The following PRKCE variants were observed in gnomAD, a reference collection of about 807,000 sequenced individuals.
The protein encoded by PRKCE is protein kinase C epsilon type.
PRKCE carries 16 observed loss-of-function variants against 85.4 expected under a neutral mutation model. The ratio of observed to expected loss-of-function variants is 0.19; its 90% confidence interval spans 0.13 to 0.28. The LOEUF (loss-of-function observed/expected upper bound fraction) is 0.28. Ranked by LOEUF, PRKCE falls within the 10% of genes least tolerant of loss-of-function variation. The pLI, the probability that PRKCE is intolerant of heterozygous loss-of-function variation, is 1.00. For missense variants in PRKCE, 573 were observed against 975.2 expected, an observed-to-expected ratio of 0.59 and a Z score of 5.49; for synonymous variants, 388 against 371.5, an observed-to-expected ratio of 1.04 and a Z score of -0.51.
intron 11 of PRKCE, among the ~76,000 whole-genome samples, chr2:46,123,325 A>G (rs1014927946): frequency 6.8e-5 from 10 of 146,462 alleles, no homozygotes; most frequent in African/African-American, 2.0e-4. Flanking sequence ...ATTCCCTGCA[A>G]TTGTGGGGCA....
At position 46,059,595 on chromosome 2, in the gene PRKCE, A is replaced by G. The variant is rs113541390; in HGVS notation, c.1438-26613A>G. ...GATTAGTTATTTTTCTAATATTCTAAGCAGATTTGAGAGGCGGTTTATTAT... is the reference window on the plus strand; with the variant it reads ...GATTAGTTATTTTTCTAATATTCTAGGCAGATTTGAGAGGCGGTTTATTAT... On this transcript the variant is annotated intron_variant, in intron 10 of 14. Transcript: ENST00000306156. 4.4e-4 allele frequency among the ~76,000 whole-genome samples: 67 copies of G among 152,340 alleles called. 3 individuals carry two copies. The highest frequency in any genetic ancestry group is 1.6e-3 in the African/African-American group (67 of 41,574).
rs1224990709 is a variant in PRKCE, at chr2:45,716,518, CAAGAAAGAAAAAGA to C, written c.348+64092_348+64105del. ...ACTGGGAAACAGAGCAAGACTCTGT[CAAGAAAGAAAAAGA>C]AAGAAAGAAAAAGAAAGAAAGGAAG... On this transcript the variant is annotated intron_variant, in intron 1 of 14. Transcript: ENST00000306156. Among the ~76,000 whole-genome samples the C allele has an allele frequency of 3.0e-3, 421 of 139,350 alleles. 6 individuals are homozygous for C. The East Asian group carries it at 0.045, about 15-fold the overall frequency. The allele number at this position is 139,350 out of a possible 152,430, so 91.4% of individuals were successfully genotyped here.
Position 46,117,779 on chromosome 2 carries a change from C to T in PRKCE, c.1593-27314C>T, listed in dbSNP as rs111690250. Reference sequence around the variant, plus strand: ...GCTTAGTAATTGCTTATTATTATTACTGATCCCTTACATTGCCATAATGTG... The same window carrying T: ...GCTTAGTAATTGCTTATTATTATTATTGATCCCTTACATTGCCATAATGTG... On this transcript the variant is annotated intron_variant, in intron 11 of 14. Coordinates refer to ENST00000306156, the MANE Select transcript of PRKCE (RefSeq NM_005400.3). Among the ~76,000 whole-genome samples, 92 of 152,302 alleles carry T rather than the reference C, an allele frequency of 6.0e-4. 1 individual carries two copies. The Middle Eastern group carries it at 0.014, about 23-fold the overall frequency.
chr2:45,944,281 G>A (rs1700082253), intron 2 of PRKCE, among the ~76,000 whole-genome samples: 1 of 152,056 alleles, frequency 6.6e-6, no homozygotes, highest in Non-Finnish European at 1.5e-5. Context: ...AGGGTTCCAG[G>A]GCTGTAGGAA....
chr2:45,978,089 C>G (rs1192180000), intron 3 of PRKCE: 1 of 152,240 alleles, frequency 6.6e-6, no homozygotes, highest in African/African-American at 2.4e-5. Flanking sequence ...CAGAGCAAGC[C>G]CAGCCCAACT....
intron 1 of PRKCE, among the ~76,000 whole-genome samples, chr2:45,755,767 A>G (rs1295975426): frequency 6.6e-6 from 1 of 152,212 alleles, no homozygotes; most frequent in East Asian, 1.9e-4. Flanking sequence ...TAGTTGCCCA[A>G]CGAAATGCAA....
intron 10 of PRKCE, among the ~76,000 whole-genome samples, chr2:46,080,557 A>G (rs905541214): frequency 6.6e-6 from 1 of 152,210 alleles, no homozygotes; most frequent in African/African-American, 2.4e-5. Context: ...TGACGCAGAC[A>G]TAATAGGAAC....
Position 45,689,742 on chromosome 2 carries a change from A to G in PRKCE, c.348+37294A>G, listed in dbSNP as rs1327212336. Reference sequence around the variant, plus strand: ...AAAACCCTGTCTCTACTTAAAATACAAAGATTAGCCAGGCATGGTGGTGTG... The same window carrying G: ...AAAACCCTGTCTCTACTTAAAATACGAAGATTAGCCAGGCATGGTGGTGTG... On this transcript the variant is annotated intron_variant, in intron 1 of 14. Coordinates refer to ENST00000306156, the MANE Select transcript of PRKCE (RefSeq NM_005400.3). 4.6e-5 allele frequency among the ~76,000 whole-genome samples: 7 copies of G among 152,022 alleles called. No homozygotes were observed. The South Asian group carries it at 1.5e-3, about 32-fold the overall frequency.
chr2:45,953,082 T>C (rs1700733035), intron 2 of PRKCE, among the ~76,000 whole-genome samples: 1 of 152,228 alleles, frequency 6.6e-6, no homozygotes, highest in South Asian at 2.1e-4. Flanking sequence ...ACTCTAGATC[T>C]GTTTTCAAGT....
At chr2:46,131,044 G>A (rs1674399600) in intron 11 of PRKCE, among the ~76,000 whole-genome samples, 1 of 152,158 alleles carries the variant, frequency 6.6e-6, no homozygotes, top group Admixed American at 6.5e-5. Flanking sequence ...CCACATCTAT[G>A]GCCAAACAAC....
chr2:45,662,947 G>T (rs1486553443), intron 1 of PRKCE, among the ~76,000 whole-genome samples: 1 of 152,118 alleles, frequency 6.6e-6, no homozygotes, highest in Non-Finnish European at 1.5e-5. Flanking sequence ...CTGCACTGAT[G>T]ATTATCTCAA....
At chr2:45,674,135 T>C (rs1676308940) in intron 1 of PRKCE, among the ~76,000 whole-genome samples, 1 of 152,172 alleles carries the variant, frequency 6.6e-6, no homozygotes, top group Non-Finnish European at 1.5e-5. Context: ...ATCATTGGGG[T>C]TGACTTGCGG....
intron 1 of PRKCE, among the ~76,000 whole-genome samples, chr2:45,761,375 C>T (rs932181816): frequency 1.3e-5 from 2 of 150,876 alleles, no homozygotes; most frequent in African/African-American, 2.4e-5. Flanking sequence ...GGAATACATG[C>T]CAGTAGGTTG....
At chr2:45,716,295 TC>T (rs1184741378) in intron 1 of PRKCE, among the ~76,000 whole-genome samples, 2 of 152,192 alleles carry the variant, frequency 1.3e-5, no homozygotes, top group Non-Finnish European at 2.9e-5. Flanking sequence ...GGTGGGCAGA[TC>T]ACTTGAGGTC....
intron 1 of PRKCE, among the ~76,000 whole-genome samples, chr2:45,671,877 A>G (rs1676179150): frequency 6.6e-6 from 1 of 152,072 alleles, no homozygotes; most frequent in Non-Finnish European, 1.5e-5. Flanking sequence ...CCTGGCCAAC[A>G]TGGCAAGACA....
At chr2:45,833,514 C>T (rs1241572915) in intron 1 of PRKCE, among the ~76,000 whole-genome samples, 1 of 152,192 alleles carries the variant, frequency 6.6e-6, no homozygotes, top group Non-Finnish European at 1.5e-5. Flanking sequence ...GTTTCAAGTG[C>T]TCCACCATCT....
At chr2:45,914,491 G>A (rs558109463) in intron 2 of PRKCE, among the ~76,000 whole-genome samples, 1 of 152,308 alleles carries the variant, frequency 6.6e-6, no homozygotes, top group South Asian at 2.1e-4. Context: ...TGGTGGTCCA[G>A]GAAGTGTGCG....
chr2:46,019,518 C>G (rs1488951636), intron 10 of PRKCE, among the ~76,000 whole-genome samples: 3 of 152,210 alleles, frequency 2.0e-5, no homozygotes, highest in Non-Finnish European at 4.4e-5. Context: ...GTATAGCTCA[C>G]ATTTACTTCA....
In PRKCE at chr2:45,879,313, C is replaced by T. The variant is rs185490546; in HGVS notation, c.412+36250C>T. On this transcript the variant is annotated intron_variant, in intron 2 of 14. Coordinates refer to ENST00000306156, the MANE Select transcript of PRKCE (RefSeq NM_005400.3). ...TACCTTCCTACTCCATCCCCTTTCC[C>T]GCTCCCCTTCCTGCTGAGAGCCACT... Among the ~76,000 whole-genome samples the T allele has an allele frequency of 3.9e-5, 6 of 152,308 alleles. No individual in the cohort carries two copies. The South Asian group carries it at 8.3e-4, about 21-fold the overall frequency.
Sources: allele counts gnomAD v4.1 joint callset (sites outside exome capture counted in the v4.1 genomes callset), GRCh38; gene constraint gnomAD v4.1.1; transcripts MANE v1.5; gene names NCBI Gene and HGNC (gene_info 2026-07-23, HGNC 2026-07-21).